SLC10A7: variants seen among roughly 807,000 people sequenced by gnomAD.
SLC10A7 encodes the protein solute carrier family 10 member 7, also known as sodium/bile acid cotransporter 7.
SLC10A7 carries 29 observed loss-of-function variants against 43.2 expected under a neutral mutation model. The observed-to-expected ratio is 0.67, with a 90% CI of 0.50 to 0.92. The LOEUF is 0.92. SLC10A7 is among the 40% of genes least tolerant of loss of function. SLC10A7 has a pLI of 0.00. For synonymous variants in SLC10A7, 152 were observed against 144.8 expected (o/e 1.05, Z -0.35); for missense variants, 295 against 403.2 (o/e 0.73, Z 2.30).
At chr4:146,427,658 T>C (rs1431529406) in intron 5 of SLC10A7, among the ~76,000 whole-genome samples, 1 of 152,150 alleles carries the variant, frequency 6.6e-6, no homozygotes, top group Non-Finnish European at 1.5e-5. Flanking sequence ...TTTAAAAAGG[T>C]AGAAATAAAT....
intron 2 of SLC10A7, chr4:146,514,619 T>C (rs1579390615): frequency 6.6e-6 from 1 of 152,402 alleles, no homozygotes; most frequent in East Asian, 1.9e-4. Flanking sequence ...TCAATATAAA[T>C]CAAACTTGAA....
rs570610661 is a variant in SLC10A7, at chr4:146,512,079, T to C, written c.184-2030A>G. ...ACCACTGCCTCCTGAGTTCAAGCGA[T>C]TCTCCTGCCTCCACCTCCCAAGTAG... On this transcript the variant is annotated intron_variant, in intron 2 of 11. Coordinates refer to ENST00000335472, the MANE Select transcript of SLC10A7 (RefSeq NM_001029998.6). 3.4e-5 allele frequency among the ~76,000 whole-genome samples: 5 copies of C among 147,342 alleles called. No homozygotes were observed. The East Asian group carries it at 8.2e-4, about 24-fold the overall frequency.
intron 10 of SLC10A7, among the ~76,000 whole-genome samples, chr4:146,264,757 C>A (rs1197590847): frequency 1.3e-5 from 2 of 152,206 alleles, no homozygotes; most frequent in Non-Finnish European, 2.9e-5. Context: ...TCATCTTTGA[C>A]AAATTCTATT....
intron 5 of SLC10A7, among the ~76,000 whole-genome samples, chr4:146,414,179 C>T (rs13109687): frequency 0.029 from 4,363 of 152,162 alleles, 186 homozygotes; most frequent in Admixed American, 0.12. Flanking sequence ...AGAAAGCTCA[C>T]ATAGGGCCCT....
At chr4:146,304,255 C>G (rs181562531) in intron 7 of SLC10A7, among the ~76,000 whole-genome samples, 1 of 150,968 alleles carries the variant, frequency 6.6e-6, no homozygotes, top group African/African-American at 2.4e-5. Flanking sequence ...TGGTCACAAA[C>G]ATAACTGCTG....
At chr4:146,470,804 C>A (rs888882133) in intron 4 of SLC10A7, among the ~76,000 whole-genome samples, 6 of 152,188 alleles carry the variant, frequency 3.9e-5, no homozygotes, top group Admixed American at 6.5e-5. Flanking sequence ...TGCAAATCTG[C>A]AAAGCATGAC....
At position 146,466,475 on chromosome 4, in the gene SLC10A7, TC is replaced by T. The variant is rs1471611393; in HGVS notation, c.397-23655del. 2.0e-5 allele frequency among the ~76,000 whole-genome samples: 3 copies of T among 152,280 alleles called. No individual in the cohort carries two copies. In the East Asian group the frequency reaches 5.8e-4, roughly 29 times the overall value. On this transcript the variant is annotated intron_variant, in intron 4 of 11. Transcript: ENST00000335472. The stretch of plus-strand genomic sequence containing the variant: ...GATGTTTTCTTAACCAAACTGAATT[TC>T]ATTTTTTCCCCCAAGATCAGGAGCT...
chr4:146,436,185 C>T (rs1730197666), intron 5 of SLC10A7, among the ~76,000 whole-genome samples: 1 of 152,032 alleles, frequency 6.6e-6, no homozygotes, highest in Admixed American at 6.6e-5. Context: ...GTGACTAATG[C>T]ATTTACTTGC....
At chr4:146,492,174 C>G (rs527630173) in intron 4 of SLC10A7, among the ~76,000 whole-genome samples, 140 of 151,326 alleles carry the variant, frequency 9.3e-4, no homozygotes, top group African/African-American at 3.3e-3. Context: ...GAGCCGAGAT[C>G]GCGTCACTGC....
intron 9 of SLC10A7, among the ~76,000 whole-genome samples, chr4:146,285,176 T>G (rs1234061787): frequency 6.6e-6 from 1 of 152,062 alleles, no homozygotes; most frequent in South Asian, 2.1e-4. Flanking sequence ...GTTGATATGA[T>G]GGGATAAGGG....
At chr4:146,420,176 G>GA (rs369027376) in intron 5 of SLC10A7, among the ~76,000 whole-genome samples, 14 of 150,696 alleles carry the variant, frequency 9.3e-5, no homozygotes, top group Admixed American at 3.3e-4. Flanking sequence ...CTTCATTCAT[G>GA]AAAAAAAAAG....
intron 5 of SLC10A7, among the ~76,000 whole-genome samples, chr4:146,425,536 G>C (rs1009459747): frequency 6.6e-6 from 1 of 152,044 alleles, no homozygotes; most frequent in Non-Finnish European, 1.5e-5. Context: ...ACACCATATT[G>C]GTCAGCGCAA....
At chr4:146,515,213 G>C (rs965171169) in intron 2 of SLC10A7, 5 of 701,200 alleles carry the variant, frequency 7.1e-6, no homozygotes, top group African/African-American at 7.0e-5. Flanking sequence ...AACAGCTGTA[G>C]CCATTAAGCA....
At chr4:146,359,663 A>G (rs1735907466) in intron 5 of SLC10A7, among the ~76,000 whole-genome samples, 1 of 152,158 alleles carries the variant, frequency 6.6e-6, no homozygotes, top group Non-Finnish European at 1.5e-5. Flanking sequence ...GACTATGAAG[A>G]TTAATTTGAG....
intron 3 of SLC10A7, among the ~76,000 whole-genome samples, chr4:146,505,273 C>T (rs1736794294): frequency 6.6e-6 from 1 of 152,140 alleles, no homozygotes; most frequent in African/African-American, 2.4e-5. Flanking sequence ...GTATAATGAT[C>T]CATTTCCACT....
At chr4:146,425,113 C>G (rs1048709366) in intron 5 of SLC10A7, among the ~76,000 whole-genome samples, 1 of 152,112 alleles carries the variant, frequency 6.6e-6, no homozygotes, top group Non-Finnish European at 1.5e-5. Context: ...TAACTAGTAT[C>G]TTAACAACAG....
intron 4 of SLC10A7, among the ~76,000 whole-genome samples, chr4:146,499,727 A>G (rs1736225181): frequency 6.6e-6 from 1 of 152,212 alleles, no homozygotes; most frequent in South Asian, 2.1e-4. Context: ...ATGCTTGACA[A>G]TCATGAAGCT....
At chr4:146,443,051 C>T (rs914405767) in intron 4 of SLC10A7, among the ~76,000 whole-genome samples, 6 of 152,138 alleles carry the variant, frequency 3.9e-5, no homozygotes, top group South Asian at 2.1e-4. Flanking sequence ...AGGCAGAAAA[C>T]GCTTGTCATG....
At chr4:146,443,137 A>C (rs1037704353) in intron 4 of SLC10A7, among the ~76,000 whole-genome samples, 1 of 152,250 alleles carries the variant, frequency 6.6e-6, no homozygotes, top group African/African-American at 2.4e-5. Flanking sequence ...TGATTTTCCT[A>C]CTAAATTTAA....
Sources: allele counts gnomAD v4.1 joint callset (sites outside exome capture counted in the v4.1 genomes callset), GRCh38; gene constraint gnomAD v4.1.1; transcripts MANE v1.5; gene names NCBI Gene and HGNC (gene_info 2026-07-23, HGNC 2026-07-21).